CSMD3: variants seen among roughly 807,000 people sequenced by gnomAD.
CSMD3 encodes the protein CUB and Sushi multiple domains 3, also known as CUB and sushi domain-containing protein 3.
CSMD3 carries 177 observed loss-of-function variants against 435.2 expected under a neutral mutation model. The ratio of observed to expected loss-of-function variants is 0.41; its 90% CI spans 0.36 to 0.46. The LOEUF is 0.46. CSMD3 is among the 20% of genes least tolerant of loss of function. CSMD3 has a pLI of 0.34. For missense variants in CSMD3, 4,265 were observed against 4,504.6 expected, an observed-to-expected ratio of 0.95 and a Z score of 1.52; for synonymous variants, 1,656 against 1,520.5, an observed-to-expected ratio of 1.09 and a Z score of -2.07.
intron 5 of CSMD3, among the ~76,000 whole-genome samples, chr8:113,058,423 GT>G (rs796264992): frequency 6.6e-6 from 1 of 151,598 alleles, no homozygotes; most frequent in Non-Finnish European, 1.5e-5. Flanking sequence ...AGTTTGCTGG[GT>G]TTTTTTAATA....
intron 31 of CSMD3, among the ~76,000 whole-genome samples, chr8:112,486,038 T>C (rs1404140928): frequency 4.0e-5 from 6 of 151,542 alleles, no homozygotes; most frequent in Admixed American, 1.3e-4. Context: ...TATATCTATA[T>C]AGGCCTTTGT....
At chr8:112,789,489 A>G (rs2078633284) in intron 13 of CSMD3, among the ~76,000 whole-genome samples, 1 of 151,938 alleles carries the variant, frequency 6.6e-6, no homozygotes, top group African/African-American at 2.4e-5. Context: ...ATGAGTTTTG[A>G]CTCCAATCTA....
chr8:112,649,737 G>C (rs1447655317), intron 19 of CSMD3, among the ~76,000 whole-genome samples: 1 of 152,194 alleles, frequency 6.6e-6, no homozygotes, highest in South Asian at 2.1e-4. Context: ...GTGCTGTGTA[G>C]CTGGTTAGAA....
chr8:113,235,993 C>T (rs2093143705), intron 3 of CSMD3, among the ~76,000 whole-genome samples: 1 of 152,062 alleles, frequency 6.6e-6, no homozygotes, highest in Non-Finnish European at 1.5e-5. Context: ...GCACTAAAAG[C>T]CAAAGAAGGT....
intron 59 of CSMD3, among the ~76,000 whole-genome samples, chr8:112,270,343 AGTGTGTGTGTGTGTGTGTGT>A (rs10577337): frequency 0.038 from 4,716 of 124,294 alleles, 290 homozygotes; most frequent in African/African-American, 0.12. Flanking sequence ...CAGAGGGGTG[AGTGTGTGTGTGTGTGTGTGT>A]GTGTGTGTGT....
chr8:112,284,187 G>C (rs1397295240), intron 58 of CSMD3, among the ~76,000 whole-genome samples: 3 of 143,336 alleles, frequency 2.1e-5, no homozygotes, highest in African/African-American at 7.3e-5. Context: ...TCATTTAAAA[G>C]AATCTCAGTT....
intron 17 of CSMD3, among the ~76,000 whole-genome samples, chr8:112,657,008 A>C (rs982727317): frequency 6.7e-6 from 1 of 150,290 alleles, no homozygotes; most frequent in African/African-American, 2.5e-5. Flanking sequence ...ATATTATTAA[A>C]CCCACTTTCC....
chr8:112,528,935 C>A (rs1311533766), intron 27 of CSMD3, among the ~76,000 whole-genome samples: 1 of 152,018 alleles, frequency 6.6e-6, no homozygotes, highest in Non-Finnish European at 1.5e-5. Flanking sequence ...ATGGGACCAG[C>A]GCAGTACACC....
chr8:112,714,826 G>C (rs1227278854), intron 13 of CSMD3, among the ~76,000 whole-genome samples: 2 of 152,052 alleles, frequency 1.3e-5, no homozygotes, highest in Non-Finnish European at 2.9e-5. Flanking sequence ...AAGACTCCTG[G>C]TTAAAAATAA....
chr8:113,316,657 C>A (rs1039287855), intron 1 of CSMD3, among the ~76,000 whole-genome samples: 1 of 151,716 alleles, frequency 6.6e-6, no homozygotes, highest in Non-Finnish European at 1.5e-5. Context: ...TCAAGTGATT[C>A]TCCTGCCTCA....
chr8:112,798,720 T>C (rs2078887466), intron 13 of CSMD3, among the ~76,000 whole-genome samples: 1 of 151,904 alleles, frequency 6.6e-6, no homozygotes, highest in South Asian at 2.1e-4. Flanking sequence ...TAAATGTTTC[T>C]TGTTCAAGCA....
At chr8:113,059,848 G>T (rs2088527058) in intron 5 of CSMD3, among the ~76,000 whole-genome samples, 1 of 152,132 alleles carries the variant, frequency 6.6e-6, no homozygotes, top group Admixed American at 6.6e-5. Context: ...TAAACTGCAG[G>T]AGGAAAAATA....
intron 13 of CSMD3, among the ~76,000 whole-genome samples, chr8:112,736,506 G>C (rs1462038892): frequency 6.6e-6 from 1 of 151,934 alleles, no homozygotes; most frequent in Non-Finnish European, 1.5e-5. Flanking sequence ...ATAGTCTGCA[G>C]TAACATTTCT....
intron 32 of CSMD3, among the ~76,000 whole-genome samples, chr8:112,448,873 T>G (rs1198494171): frequency 6.6e-6 from 1 of 152,114 alleles, no homozygotes; most frequent in African/African-American, 2.4e-5. Flanking sequence ...TTACCGCTCT[T>G]CAAAACAGGC....
intron 13 of CSMD3, among the ~76,000 whole-genome samples, chr8:112,721,332 T>C (rs1389536185): frequency 6.6e-6 from 1 of 152,114 alleles, no homozygotes; most frequent in Non-Finnish European, 1.5e-5. Context: ...CCCAGCACTT[T>C]GGGAGGCCGA....
intron 1 of CSMD3, among the ~76,000 whole-genome samples, chr8:113,396,013 T>C (rs2094481940): frequency 6.6e-6 from 1 of 152,126 alleles, no homozygotes; most frequent in Non-Finnish European, 1.5e-5. Context: ...TTGAAATCAG[T>C]GAGGAGAGGA....
At position 112,731,927 on chromosome 8, in the gene CSMD3, A is replaced by G. The variant is rs115720600; in HGVS notation, c.1973-41877T>C. ...TCAGTTCTATAAAGTGATTAATAGG[A>G]TTTTCCAGACAGGCAAAAATGTATT... On this transcript the variant is annotated intron_variant, in intron 13 of 70. Transcript: ENST00000297405. Among the ~76,000 whole-genome samples, 760 of 152,214 alleles carry G rather than the reference A, an allele frequency of 5.0e-3. 4 individuals carry two copies. Among genetic ancestry groups the G allele is most frequent in the African/African-American group, 0.017 (716 of 41,552 alleles).
chr8:112,900,321 T>C (rs1044491948), intron 10 of CSMD3, among the ~76,000 whole-genome samples: 1 of 151,300 alleles, frequency 6.6e-6, no homozygotes, highest in Admixed American at 6.6e-5. Context: ...ACATCCTTAG[T>C]AGAGAAAATG....
At chr8:112,608,599 T>C (rs56238261) in intron 22 of CSMD3, among the ~76,000 whole-genome samples, 36,386 of 151,656 alleles carry the variant, frequency 0.24, 4,701 homozygotes, top group African/African-American at 0.33. Context: ...TATATATATA[T>C]ACATACACAC....
Sources: allele counts gnomAD v4.1 joint callset (sites outside exome capture counted in the v4.1 genomes callset), GRCh38; gene constraint gnomAD v4.1.1; transcripts MANE v1.5; gene names NCBI Gene and HGNC (gene_info 2026-07-23, HGNC 2026-07-21).